Variants in UHRF1 observed in about 807,000 individuals in gnomAD.
The protein encoded by UHRF1 is ubiquitin like with PHD and ring finger domains 1.
A neutral mutation model predicts 96.5 loss-of-function variants in UHRF1; 9 were observed. That is an observed-to-expected ratio of 0.09 (90% confidence interval 0.06 to 0.16). UHRF1 has a LOEUF of 0.16. Among genes scored for constraint, UHRF1 ranks in the 10% least tolerant of loss-of-function variants. The pLI, the probability that UHRF1 is intolerant of heterozygous loss-of-function variation, is 1.00. For missense variants in UHRF1, 626 were observed against 1,131.1 expected, an observed-to-expected ratio of 0.55 and a Z score of 6.40; for synonymous variants, 455 against 469.9, an observed-to-expected ratio of 0.97 and a Z score of 0.41.
intron 2 of UHRF1, among the ~76,000 whole-genome samples, chr19:4,922,936 T>C (rs1489670195): frequency 6.6e-6 from 1 of 152,196 alleles, no homozygotes; most frequent in African/African-American, 2.4e-5. Context: ...GCCGAAGTCA[T>C]GGAGGGGCGA....
chr19:4,958,668 T>C (rs1173417738), intron 16 of UHRF1, among the ~76,000 whole-genome samples: 1 of 152,182 alleles, frequency 6.6e-6, no homozygotes, highest in African/African-American at 2.4e-5. Context: ...TCCACCTTGA[T>C]CTTTTTAAAT....
In UHRF1 at chr19:4,910,983, A is replaced by G; in HGVS notation, c.98A>G (p.Gln33Arg). The change falls in exon 2 of 17, where the codon CAG becomes CGG. Residue 33 changes from glutamine (Q) to arginine (R), a missense_variant. Physicochemically the swap from Gln to Arg is conservative, Grantham distance 43 (BLOSUM62 1). Transcript: ENST00000650932. ...GTGGAGGAGCTGAGGCGGAAGATCC[A>G]GGAGCTGTTCCACGTGGAGCCAGGC... is the stretch of plus-strand genomic sequence containing the variant. ...TKVEELRRKIQELFHVEPGLQ... is the reference protein window; with the variant it reads ...TKVEELRRKIRELFHVEPGLQ... The G allele has an allele frequency of 6.2e-7, 1 of 1,612,724 alleles. No homozygotes were observed. Among genetic ancestry groups the G allele is most frequent in the Non-Finnish European group, 8.5e-7 (1 of 1,179,138 alleles).
At chr19:4,947,490 CTTTTTTTTTTTTT>C (rs985069179) in intron 11 of UHRF1, among the ~76,000 whole-genome samples, 1,015 of 57,940 alleles carry the variant, frequency 0.018, 25 homozygotes, top group African/African-American at 0.064. Flanking sequence ...TAATAGATAT[CTTTTTTTTTTTTT>C]TTTTTTTTTT....
At position 4,941,556 on chromosome 19, in the gene UHRF1, A is replaced by G; in HGVS notation, c.814A>G (p.Ile272Val). 3 of 1,613,718 alleles carry G rather than the reference A, an allele frequency of 1.9e-6. No individual in the cohort carries two copies. In the East Asian group the frequency reaches 6.7e-5, roughly 36 times the overall value. Residue 272 changes from isoleucine (I) to valine (V), a missense_variant, in exon 6 of 17, where the codon ATC becomes GTC. Ile to Val is a conservative substitution (Grantham distance 29). Transcript: ENST00000650932. ...GDDSLNDCRI[I>V]FVDEVFKIER... ...TGATTCTCTGAACGACTGTCGGATC[A>G]TCTTCGTGGACGAAGTCTTCAAGAT...
At chr19:4,929,090 G>T (rs2032963865) in intron 2 of UHRF1, 132 bp from the exon 3 acceptor site, 4 of 1,301,792 alleles carry the variant, frequency 3.1e-6, no homozygotes, top group Non-Finnish European at 4.2e-6. Flanking sequence ...AGGTATCATG[G>T]CTCTTTACTC....
chr19:4,946,429 G>T (rs1292117322), intron 10 of UHRF1, among the ~76,000 whole-genome samples: 1 of 152,092 alleles, frequency 6.6e-6, no homozygotes, highest in East Asian at 1.9e-4. Context: ...CTGTCCGTGG[G>T]CACTGGGGTT....
At chr19:4,950,535 C>G in intron 11 of UHRF1, 76 bp from the exon 12 acceptor site, 2 of 1,501,698 alleles carry the variant, frequency 1.3e-6, no homozygotes, top group African/African-American at 1.4e-5. Context: ...TGAGCCACCA[C>G]TCCCGGCTCC....
chr19:4,924,226 G>A (rs12460215), intron 2 of UHRF1, among the ~76,000 whole-genome samples: 1 of 151,664 alleles, frequency 6.6e-6, no homozygotes, highest in South Asian at 2.1e-4. Context: ...CTCGGCTCAC[G>A]GCAAGCTCCG....
chr19:4,950,186 A>C (rs2033678622), intron 11 of UHRF1, among the ~76,000 whole-genome samples: 1 of 151,944 alleles, frequency 6.6e-6, no homozygotes, highest in Admixed American at 6.6e-5. Flanking sequence ...GTCTCAAATA[A>C]ATAGTAGGCT....
chr19:4,958,407 G>T (rs1459269955), intron 16 of UHRF1, among the ~76,000 whole-genome samples: 1 of 152,248 alleles, frequency 6.6e-6, no homozygotes, highest in African/African-American at 2.4e-5. Flanking sequence ...CTCAGGAGGT[G>T]GGCACAGGCA....
chr19:4,917,762 A>G (rs897781762), intron 2 of UHRF1, among the ~76,000 whole-genome samples: 1 of 151,550 alleles, frequency 6.6e-6, no homozygotes, highest in African/African-American at 2.4e-5. Context: ...GGCTCAAGCA[A>G]TCCTCCTACT....
At chr19:4,929,622 C>T (rs899892419) in intron 3 of UHRF1, 146 bp downstream of exon 3, 49 of 1,181,624 alleles carry the variant, frequency 4.1e-5, no homozygotes, top group East Asian at 2.0e-4. Flanking sequence ...GTTTCCTGCA[C>T]GTTCCTTGAG....
At chr19:4,906,386 G>GT (rs769621966), upstream of UHRF1, among the ~76,000 whole-genome samples, 1 of 152,178 alleles carries the variant, frequency 6.6e-6, no homozygotes, top group East Asian at 1.9e-4. Flanking sequence ...GGGAGGGCTA[G>GT]ATACCTCCTC....
chr19:4,938,730 G>GGT (rs1568421924), intron 5 of UHRF1, among the ~76,000 whole-genome samples: 1 of 61,588 alleles, frequency 1.6e-5, no homozygotes, highest in East Asian at 4.1e-4. Context: ...TTTTGGTCAG[G>GGT]TTTTTTTTTT....
intron 2 of UHRF1, among the ~76,000 whole-genome samples, chr19:4,919,541 A>T (rs1462648188): frequency 6.6e-6 from 1 of 151,972 alleles, no homozygotes; most frequent in Non-Finnish European, 1.5e-5. Context: ...TGACCTCATG[A>T]TCCACCCGCC....
chr19:4,930,985 A>G lies in UHRF1; in HGVS notation c.569+109A>G. The G allele has an allele frequency of 1.9e-5, 29 of 1,489,108 alleles. No homozygotes were observed. Among genetic ancestry groups the G allele is most frequent in the Non-Finnish European group, 2.6e-5 (29 of 1,096,460 alleles). The allele number at this position is 1,489,108 out of a possible 1,614,324, so 92.2% of individuals were successfully genotyped here. On this transcript the variant is annotated intron_variant, in intron 4 of 16. Coordinates refer to ENST00000650932, the MANE Select transcript of UHRF1 (RefSeq NM_001048201.3). This position sits in a 1 kb window ranked among gnomAD's most constrained non-coding sequence, Gnocchi z 4.4. ...GCACTGTCTCGAGATGGTGATCAGGATCTGGGGCCCCATCCTCGAATTCCT... is the reference window on the plus strand; with the variant it reads ...GCACTGTCTCGAGATGGTGATCAGGGTCTGGGGCCCCATCCTCGAATTCCT...
At chr19:4,927,917 C>A (rs1233375705) in intron 2 of UHRF1, among the ~76,000 whole-genome samples, 1 of 152,214 alleles carries the variant, frequency 6.6e-6, no homozygotes, top group African/African-American at 2.4e-5. Context: ...CCTGACGGGG[C>A]AGACGTGGAA....
intron 2 of UHRF1, among the ~76,000 whole-genome samples, chr19:4,927,047 C>G (rs1042062668): frequency 7.3e-5 from 11 of 151,018 alleles, no homozygotes; most frequent in African/African-American, 2.4e-4. Flanking sequence ...GGCGACAGAG[C>G]AAGATTCCGC....
Position 4,945,911 on chromosome 19 carries a change from G to T in UHRF1, c.1356G>T (p.Arg452=), listed in dbSNP as rs367870537. 38 of 1,608,778 alleles carry T rather than the reference G, an allele frequency of 2.4e-5. No homozygotes were observed. The highest frequency in any genetic ancestry group is 3.1e-5 in the Non-Finnish European group (37 of 1,178,840). ...HRPHVAGIHG[R]SNDGAYSLVL... ...CCCACGTGGCTGGCATACACGGCCG[G>T]AGCAACGACGGAGCGTACTCCCTAG... is the stretch of plus-strand genomic sequence containing the variant. Residue 452 remains arginine (R), a synonymous_variant, in exon 10 of 17, where the codon CGG becomes CGT. Coordinates refer to ENST00000650932, the MANE Select transcript of UHRF1 (RefSeq NM_001048201.3).
Sources: allele counts gnomAD v4.1 joint callset (sites outside exome capture counted in the v4.1 genomes callset), GRCh38; gene constraint gnomAD v4.1.1; non-coding constraint Gnocchi (gnomAD v3.1); transcripts MANE v1.5; gene names NCBI Gene and HGNC (gene_info 2026-07-23, HGNC 2026-07-21).